The following ITGA8 variants were observed in gnomAD, a reference collection of about 807,000 sequenced individuals.
The protein encoded by ITGA8 is integrin alpha-8.
A neutral mutation model predicts 142.3 loss-of-function variants in ITGA8; 91 were observed. The ratio of observed to expected loss-of-function variants is 0.64; its 90% confidence interval spans 0.54 to 0.76. The LOEUF (loss-of-function observed/expected upper bound fraction) is 0.76, where lower values mean the gene tolerates loss of function less well. ITGA8 is among the 30% of genes least tolerant of loss of function. The pLI, the probability that ITGA8 is intolerant of heterozygous loss-of-function variation, is 0.00. For missense variants in ITGA8, 1,406 were observed against 1,327.7 expected (o/e 1.06, Z -0.92); for synonymous variants, 505 against 485.2 (o/e 1.04, Z -0.54).
chr10:15,517,042 C>CA lies in ITGA8; in HGVS notation c.*115_*116insT. On this transcript the variant is annotated 3_prime_UTR_variant, in exon 30 of 30. Coordinates refer to ENST00000378076, the MANE Select transcript of ITGA8 (RefSeq NM_003638.3). Reference sequence around the variant, plus strand: ...TGAGGTGATGTTTCCAGGGTCCCCTCCATTTCCTGGGTCACTGTCAGGTAT... The same window carrying CA: ...TGAGGTGATGTTTCCAGGGTCCCCTCACATTTCCTGGGTCACTGTCAGGTAT... 1.8e-6 allele frequency: 1 copy of CA among 564,232 alleles called. No homozygotes were observed. The highest frequency in any genetic ancestry group is 2.8e-6 in the Non-Finnish European group (1 of 354,364). 35.0% of individuals were successfully genotyped at this position (564,232 alleles called of 1,614,324 possible).
chr10:15,682,466 G>A (rs1834754894), intron 4 of ITGA8, among the ~76,000 whole-genome samples: 1 of 152,152 alleles, frequency 6.6e-6, no homozygotes, highest in Middle Eastern at 3.2e-3. Flanking sequence ...GCTGACATTT[G>A]TTGTAATCTG....
At chr10:15,629,431 C>T (rs1383210169) in intron 13 of ITGA8, among the ~76,000 whole-genome samples, 1 of 152,024 alleles carries the variant, frequency 6.6e-6, no homozygotes, top group African/African-American at 2.4e-5. Flanking sequence ...CCCATTTCAT[C>T]TATGTTATCT....
chr10:15,572,038 G>A (rs750337414), intron 25 of ITGA8, among the ~76,000 whole-genome samples, 173 bp downstream of exon 25: 4 of 152,012 alleles, frequency 2.6e-5, no homozygotes, highest in Non-Finnish European at 5.9e-5. Context: ...TTGCTAGAAG[G>A]GATATTTTAA....
intron 4 of ITGA8, among the ~76,000 whole-genome samples, chr10:15,679,702 T>C (rs1488090266): frequency 6.6e-6 from 1 of 152,164 alleles, no homozygotes; most frequent in Non-Finnish European, 1.5e-5. Flanking sequence ...AAGAGAAAAT[T>C]CTAGTAGTGG....
chr10:15,689,024 A>C (rs1247043277), intron 2 of ITGA8, among the ~76,000 whole-genome samples: 2 of 152,206 alleles, frequency 1.3e-5, no homozygotes, highest in Non-Finnish European at 2.9e-5. Flanking sequence ...AATAAAAGAC[A>C]TCCAAATCAG....
chr10:15,690,769 T>C (rs1009375652), intron 2 of ITGA8, among the ~76,000 whole-genome samples: 5 of 152,134 alleles, frequency 3.3e-5, no homozygotes, highest in African/African-American at 1.2e-4. Context: ...CCTGCTGTCA[T>C]CACTGATGTT....
intron 24 of ITGA8, 127 bp downstream of exon 24, chr10:15,575,362 C>T: frequency 1.4e-6 from 1 of 700,834 alleles, no homozygotes; most frequent in South Asian, 1.6e-5. Context: ...TGCACTCCAG[C>T]CTGGGAGACA....
At chr10:15,574,862 C>T (rs1355979487) in intron 24 of ITGA8, among the ~76,000 whole-genome samples, 1 of 151,768 alleles carries the variant, frequency 6.6e-6, no homozygotes, top group African/African-American at 2.4e-5. Context: ...GAAGTAATGT[C>T]TAGGAAGCTA....
At chr10:15,580,546 G>C (rs930807557) in intron 23 of ITGA8, among the ~76,000 whole-genome samples, 1 of 152,120 alleles carries the variant, frequency 6.6e-6, no homozygotes, top group Admixed American at 6.5e-5. Flanking sequence ...ATTTTAGCAA[G>C]TCGAATCCCA....
In ITGA8 at chr10:15,608,294, T is replaced by C. The variant is rs200128976; in HGVS notation, c.1554-4A>G. Reference sequence around the variant, plus strand: ...TGCACATACTCTTAAAGAAAAGCTATAGAAAATAGTAGTAATTTATTGGTT... The same window carrying C: ...TGCACATACTCTTAAAGAAAAGCTACAGAAAATAGTAGTAATTTATTGGTT... On this transcript the variant is annotated splice_polypyrimidine_tract_variant and splice_region_variant and intron_variant, in intron 15 of 29. Transcript: ENST00000378076. The C allele has an allele frequency of 6.4e-6, 10 of 1,571,198 alleles. No individual in the cohort carries two copies. The highest frequency in any genetic ancestry group is 1.9e-5 in the Admixed American group (1 of 53,700).
intron 20 of ITGA8, among the ~76,000 whole-genome samples, chr10:15,597,852 A>G (rs1162898826): frequency 6.6e-6 from 1 of 152,112 alleles, no homozygotes; most frequent in African/African-American, 2.4e-5. Flanking sequence ...AGTACTTCCT[A>G]TTTCCTTTCC....
chr10:15,701,436 C>T (rs1454792341), intron 2 of ITGA8, among the ~76,000 whole-genome samples: 1 of 152,054 alleles, frequency 6.6e-6, no homozygotes, highest in Non-Finnish European at 1.5e-5. Flanking sequence ...TTGACTCATC[C>T]TCCATTTCTG....
rs367931571 is a variant in ITGA8, at chr10:15,586,577, T to C, written c.2372+7A>G. The C allele has an allele frequency of 1.1e-5, 17 of 1,567,878 alleles. No individual in the cohort carries two copies. In the African/African-American group the frequency reaches 2.3e-4, roughly 21 times the overall value. Reference sequence around the variant, plus strand: ...GGATATTGTACTATGCATTGCTTACTACTTACCCTCTTATTTCCACCTGCG... The same window carrying C: ...GGATATTGTACTATGCATTGCTTACCACTTACCCTCTTATTTCCACCTGCG... On this transcript the variant is annotated splice_region_variant and intron_variant, in intron 23 of 29. Coordinates refer to ENST00000378076, the MANE Select transcript of ITGA8 (RefSeq NM_003638.3).
chr10:15,701,503 TG>T (rs1165296234), intron 2 of ITGA8, among the ~76,000 whole-genome samples: 2 of 152,044 alleles, frequency 1.3e-5, no homozygotes, highest in Non-Finnish European at 2.9e-5. Flanking sequence ...TTTTTCTTCA[TG>T]GGAATATGCA....
At chr10:15,612,875 C>T (rs1265922654) in intron 15 of ITGA8, among the ~76,000 whole-genome samples, 1 of 152,152 alleles carries the variant, frequency 6.6e-6, no homozygotes, top group Non-Finnish European at 1.5e-5. Flanking sequence ...AGAAATGGGA[C>T]ATCGGCTGGG....
intron 2 of ITGA8, among the ~76,000 whole-genome samples, chr10:15,717,977 T>C (rs1480113400): frequency 6.6e-6 from 1 of 152,166 alleles, no homozygotes; most frequent in Non-Finnish European, 1.5e-5. Context: ...AGCTGACATA[T>C]TCGCATTTTT....
At chr10:15,588,172 C>T (rs1190048952) in intron 22 of ITGA8, among the ~76,000 whole-genome samples, 2 of 152,036 alleles carry the variant, frequency 1.3e-5, no homozygotes, top group African/African-American at 2.4e-5. Flanking sequence ...TTTCCAAATG[C>T]GAGAGCTGGA....
chr10:15,630,523 T>A (rs1374611300), intron 13 of ITGA8, among the ~76,000 whole-genome samples: 2 of 151,946 alleles, frequency 1.3e-5, no homozygotes, highest in African/African-American at 4.8e-5. Flanking sequence ...GTAATTTCCA[T>A]CTGAGATCAT....
chr10:15,666,953 C>T (rs1175294842), intron 8 of ITGA8, among the ~76,000 whole-genome samples: 3 of 152,206 alleles, frequency 2.0e-5, no homozygotes, highest in Non-Finnish European at 2.9e-5. Context: ...CATCGATGTT[C>T]ATCAAGGATA....
Sources: allele counts gnomAD v4.1 joint callset (sites outside exome capture counted in the v4.1 genomes callset), GRCh38; gene constraint gnomAD v4.1.1; transcripts MANE v1.5; gene names NCBI Gene and HGNC (gene_info 2026-07-23, HGNC 2026-07-21).